Variants in CPEB3 observed in about 807,000 individuals in gnomAD.
CPEB3 encodes the protein cytoplasmic polyadenylation element binding protein 3, also known as cytoplasmic polyadenylation element-binding protein 3.
CPEB3 carries 20 observed loss-of-function variants against 67.2 expected under a neutral mutation model. That is an observed-to-expected ratio of 0.30 (90% CI 0.21 to 0.43). The LOEUF (loss-of-function observed/expected upper bound fraction) is 0.43, where lower values mean the gene tolerates loss of function less well. CPEB3 is among the 20% of genes least tolerant of loss of function. The probability of loss-of-function intolerance (pLI) is 1.00; values close to 1 mark genes in which losing one functional copy is unlikely to be tolerated. For synonymous variants in CPEB3, 376 were observed against 393.1 expected (o/e 0.96, Z 0.51); for missense variants, 746 against 968.6 (o/e 0.77, Z 3.05).
intron 9 of CPEB3, among the ~76,000 whole-genome samples, chr10:92,066,521 T>A (rs1157356591): frequency 1.2e-4 from 18 of 152,216 alleles, no homozygotes; most frequent in Admixed American, 1.2e-3. Context: ...CTGGCTGACT[T>A]AGGCCATTTC....
intron 7 of CPEB3, among the ~76,000 whole-genome samples, chr10:92,093,084 C>T (rs753915085): frequency 7.9e-5 from 12 of 152,068 alleles, no homozygotes; most frequent in Non-Finnish European, 1.8e-4. Context: ...CAAAGAATAG[C>T]TTAAACAAAA....
At chr10:92,273,614 T>C (rs529762755) in intron 1 of CPEB3, among the ~76,000 whole-genome samples, 1 of 152,300 alleles carries the variant, frequency 6.6e-6, no homozygotes, top group South Asian at 2.1e-4. Flanking sequence ...TACCCAAGAT[T>C]TAAAACCCAG....
At chr10:92,122,339 G>C (rs2133625364) in intron 6 of CPEB3, among the ~76,000 whole-genome samples, 1 of 152,324 alleles carries the variant, frequency 6.6e-6, no homozygotes, top group Middle Eastern at 3.4e-3. Context: ...AACTCACTTG[G>C]ACAACGGTGA....
At chr10:92,072,111 G>T (rs1254119085) in intron 9 of CPEB3, among the ~76,000 whole-genome samples, 1 of 152,014 alleles carries the variant, frequency 6.6e-6, no homozygotes, top group African/African-American at 2.4e-5. Context: ...GTATCGAAAA[G>T]ATACTGGTAA....
At chr10:92,218,745 T>C (rs188211646) in intron 2 of CPEB3, among the ~76,000 whole-genome samples, 59 of 152,064 alleles carry the variant, frequency 3.9e-4, no homozygotes, top group South Asian at 1.5e-3. Context: ...GGGTGCTCTA[T>C]AGCATGAAGA....
intron 1 of CPEB3, among the ~76,000 whole-genome samples, chr10:92,289,377 T>TA (rs967731649): frequency 9.2e-5 from 14 of 151,526 alleles, no homozygotes; most frequent in Middle Eastern, 3.4e-3. Flanking sequence ...CCATCTCTAC[T>TA]AAAAAACACA....
rs145097133 is a variant in CPEB3 at position 92,119,193 on chromosome 10, T to C, written c.1454-7999A>G. 1.9e-4 allele frequency: 300 copies of C among 1,581,826 alleles called. 1 individual carries two copies. The African/African-American group carries it at 3.6e-3, about 19-fold the overall frequency. On this transcript the variant is annotated intron_variant, in intron 6 of 9. Transcript: ENST00000265997. ...ACGGAGGTTCCCAGCATCATATTCC[T>C]ACACATTATTACATTCACCCATCTT...
At chr10:92,272,040 T>C (rs1402825693) in intron 1 of CPEB3, 4 of 152,206 alleles carry the variant, frequency 2.6e-5, no homozygotes, top group Admixed American at 2.6e-4. Flanking sequence ...ATTTATTCTA[T>C]TCGTTATAAT....
rs1371040940 is a variant in CPEB3 at position 92,201,856 on chromosome 10, A to G, written c.1006-9220T>C. On this transcript the variant is annotated intron_variant, in intron 2 of 9. Coordinates refer to ENST00000265997, the MANE Select transcript of CPEB3 (RefSeq NM_014912.5). ...TGATTCTAGGTAATTAGAACTAAGT[A>G]TATTGTAATTACTTCTTTACATGCC... Among the ~76,000 whole-genome samples the G allele has an allele frequency of 5.9e-5, 9 of 152,192 alleles. No homozygotes were observed. The East Asian group carries it at 1.2e-3, about 20-fold the overall frequency.
intron 1 of CPEB3, among the ~76,000 whole-genome samples, chr10:92,248,800 G>A (rs1260877676): frequency 6.6e-6 from 1 of 152,036 alleles, no homozygotes; most frequent in Non-Finnish European, 1.5e-5. Flanking sequence ...TATAATAGAC[G>A]CCCTGAGCTA....
intron 4 of CPEB3, among the ~76,000 whole-genome samples, chr10:92,149,292 T>C (rs1846845775): frequency 6.6e-6 from 1 of 152,244 alleles, no homozygotes; most frequent in African/African-American, 2.4e-5. Flanking sequence ...ATGACTTCTC[T>C]AAGATACCTA....
At position 92,156,654 on chromosome 10, in the gene CPEB3, T is replaced by C. The variant is rs145518779; in HGVS notation, c.1223-11569A>G. ...CATTTTTCTAGCAACATGAAACAAGTATGGTACAAAATATGTCTTAATAAC... is the reference window on the plus strand; with the variant it reads ...CATTTTTCTAGCAACATGAAACAAGCATGGTACAAAATATGTCTTAATAAC... On this transcript the variant is annotated intron_variant, in intron 4 of 9. Transcript: ENST00000265997. Among the ~76,000 whole-genome samples the C allele has an allele frequency of 3.9e-3, 596 of 152,314 alleles. 6 individuals are homozygous for C. Among genetic ancestry groups the C allele is most frequent in the African/African-American group, 0.014 (564 of 41,572 alleles).
rs1841916217 is a variant in CPEB3 at position 92,052,149 on chromosome 10, A to G, written c.*63T>C. 3.6e-6 allele frequency: 4 copies of G among 1,108,730 alleles called. No homozygotes were observed. Among genetic ancestry groups the G allele is most frequent in the Non-Finnish European group, 5.5e-6 (4 of 732,732 alleles). The allele number at this position is 1,108,730 out of a possible 1,614,324, so 68.7% of individuals were successfully genotyped here. On this transcript the variant is annotated 3_prime_UTR_variant, in exon 10 of 10. Transcript: ENST00000265997. ...TCCAGAACACTGTAAGCCCTGAGGCAGTGCCCTCTCTTTTCCCTCCTTGTT... is the reference window on the plus strand; with the variant it reads ...TCCAGAACACTGTAAGCCCTGAGGCGGTGCCCTCTCTTTTCCCTCCTTGTT...
chr10:92,101,768 C>T (rs1314475202), intron 7 of CPEB3, among the ~76,000 whole-genome samples: 2 of 152,034 alleles, frequency 1.3e-5, no homozygotes, highest in Admixed American at 6.6e-5. Context: ...ATTAGCTGGG[C>T]GTGGTGGTAT....
At chr10:92,216,568 G>A in intron 2 of CPEB3, 2 of 1,612,104 alleles carry the variant, frequency 1.2e-6, no homozygotes, top group South Asian at 2.2e-5. Context: ...AAGGGATCAT[G>A]GTTTTGGCAG....
At chr10:92,081,522 A>G (rs756394236) in intron 8 of CPEB3, 21 bp from the exon 9 acceptor site, 1 of 1,589,986 alleles carries the variant, frequency 6.3e-7, no homozygotes, top group Non-Finnish European at 8.6e-7. Context: ...AAAACAAAAC[A>G]TGGATGTGTA....
intron 9 of CPEB3, among the ~76,000 whole-genome samples, chr10:92,061,592 A>G (rs1434155150): frequency 6.6e-6 from 1 of 152,160 alleles, no homozygotes; most frequent in African/African-American, 2.4e-5. Flanking sequence ...AGAAAGACAA[A>G]CATCACATGT....
chr10:92,236,731 A>C lies in CPEB3; in HGVS notation c.1005+2615T>G, dbSNP rs954266526. On this transcript the variant is annotated intron_variant, in intron 2 of 9. Transcript: ENST00000265997. ...GCCACTGCACTCCACCCTGAGCAACAAAAGTGAAACATTGTCACACACACA... is the reference window on the plus strand; with the variant it reads ...GCCACTGCACTCCACCCTGAGCAACCAAAGTGAAACATTGTCACACACACA... Among the ~76,000 whole-genome samples the C allele has an allele frequency of 7.3e-5, 11 of 150,320 alleles. No homozygotes were observed. The Admixed American group carries it at 7.4e-4, about 10-fold the overall frequency.
At chr10:92,262,138 A>C (rs1852829743) in intron 1 of CPEB3, among the ~76,000 whole-genome samples, 3 of 152,206 alleles carry the variant, frequency 2.0e-5, no homozygotes, top group Admixed American at 2.0e-4. Flanking sequence ...CCTAAGAGAG[A>C]TACTTTAGAT....
Sources: allele counts gnomAD v4.1 joint callset (sites outside exome capture counted in the v4.1 genomes callset), GRCh38; gene constraint gnomAD v4.1.1; transcripts MANE v1.5; gene names NCBI Gene and HGNC (gene_info 2026-07-23, HGNC 2026-07-21).